Variants in PTAR1 observed in about 807,000 individuals in gnomAD.
PTAR1 encodes the protein protein prenyltransferase alpha subunit repeat containing 1.
A neutral mutation model predicts 45.5 loss-of-function variants in PTAR1; 17 were observed. That is an observed-to-expected ratio of 0.37 (90% CI 0.26 to 0.56). PTAR1 has a LOEUF of 0.56. Ranked by LOEUF, PTAR1 falls within the 20% of genes least tolerant of loss-of-function variation. PTAR1 has a pLI of 0.77. For missense variants in PTAR1, 391 were observed against 476.3 expected (o/e 0.82, Z 1.67); for synonymous variants, 169 against 171.3 (o/e 0.99, Z 0.11).
At chr9:69,728,465 T>C (rs1825386319) in intron 5 of PTAR1, among the ~76,000 whole-genome samples, 1 of 152,212 alleles carries the variant, frequency 6.6e-6, no homozygotes, top group Non-Finnish European at 1.5e-5. Context: ...CAGCCATAAA[T>C]AAGAGTTTCA....
chr9:69,759,584 T>C (rs1020999790), intron 1 of PTAR1, among the ~76,000 whole-genome samples: 1 of 152,134 alleles, frequency 6.6e-6, no homozygotes, highest in Non-Finnish European at 1.5e-5. Flanking sequence ...TGAACTCCTA[T>C]GAAAAGGTGG....
intron 5 of PTAR1, among the ~76,000 whole-genome samples, chr9:69,724,127 G>A (rs1032543176): frequency 3.9e-5 from 6 of 152,230 alleles, no homozygotes; most frequent in African/African-American, 1.4e-4. Flanking sequence ...TGTCATGAGG[G>A]CAGAGACCGT....
chr9:69,758,128 C>T (rs1213658035), intron 1 of PTAR1: 2 of 152,084 alleles, frequency 1.3e-5, no homozygotes, highest in Non-Finnish European at 2.9e-5. Context: ...GCATTAAAGT[C>T]CTTTAAGAGT....
At chr9:69,758,859 TAAA>T (rs34814489) in intron 1 of PTAR1, among the ~76,000 whole-genome samples, 60,453 of 145,292 alleles carry the variant, frequency 0.42, 12,696 homozygotes, top group East Asian at 0.51. Context: ...AATAATAAAC[TAAA>T]AAAAAAAAAA....
chr9:69,732,423 A>G (rs1825582486), intron 4 of PTAR1, 71 bp from the exon 5 acceptor site: 1 of 1,064,508 alleles, frequency 9.4e-7, no homozygotes, highest in Non-Finnish European at 1.4e-6. Flanking sequence ...ACCAGTTTTC[A>G]TTGTTCCTAA....
intron 3 of PTAR1, chr9:69,741,571 C>G (rs891372282): frequency 1.9e-6 from 1 of 532,756 alleles, no homozygotes; most frequent in South Asian, 2.4e-5. Context: ...TATACTGTAA[C>G]TCAACATGAC....
intron 6 of PTAR1, among the ~76,000 whole-genome samples, chr9:69,721,694 T>C (rs187113791): frequency 9.9e-5 from 15 of 152,284 alleles, no homozygotes; most frequent in African/African-American, 3.6e-4. Context: ...ACCACTCTGA[T>C]CAATCAGCAG....
At chr9:69,726,550 C>T (rs1023666252) in intron 5 of PTAR1, among the ~76,000 whole-genome samples, 13 of 151,930 alleles carry the variant, frequency 8.6e-5, no homozygotes, top group African/African-American at 2.9e-4. Context: ...TATAAAGTGT[C>T]CTGCAGAAAG....
rs1363902919 is a variant in PTAR1, at chr9:69,717,476, CT to C, written c.*865del. ...TTCCTTTACTGCAATTACATAAACT[CT>C]TAAGTTAGTTTTTTCTTAAATAACC... On this transcript the variant is annotated 3_prime_UTR_variant, in exon 8 of 8. Transcript: ENST00000340434. The C allele has an allele frequency of 3.2e-4, 48 of 152,146 alleles. No individual in the cohort carries two copies. The highest frequency in any genetic ancestry group is 9.6e-4 in the African/African-American group (40 of 41,506). The allele number at this position is 152,146 out of a possible 1,614,324, so 9.4% of individuals were successfully genotyped here. A position where few individuals can be genotyped will look rare whatever the true frequency, so the allele number is the denominator to read the frequency against.
intron 6 of PTAR1, among the ~76,000 whole-genome samples, chr9:69,719,100 G>A (rs11139962): frequency 0.4 from 61,073 of 151,984 alleles, 12,659 homozygotes; most frequent in East Asian, 0.49. Context: ...GAAATAAGGG[G>A]AATGAACAGT....
At chr9:69,737,961 G>T (rs966277785) in intron 3 of PTAR1, among the ~76,000 whole-genome samples, 1 of 152,030 alleles carries the variant, frequency 6.6e-6, no homozygotes, top group African/African-American at 2.4e-5. Context: ...CAAAATTTAT[G>T]CAACAGTATT....
At chr9:69,752,418 T>C (rs746953815) in intron 1 of PTAR1, among the ~76,000 whole-genome samples, 2 of 151,992 alleles carry the variant, frequency 1.3e-5, no homozygotes, top group African/African-American at 2.4e-5. Context: ...GGCACAGGGA[T>C]TTATCAATAA....
chr9:69,731,034 G>A lies in PTAR1; in HGVS notation c.642+1105C>T, dbSNP rs535414587. ...TAGTGGGGCCAAAATCTGAACCTAG[G>A]TTGATGTGATTCTGAGCCTTGGTTC... On this transcript the variant is annotated intron_variant, in intron 5 of 7. Coordinates refer to ENST00000340434, the MANE Select transcript of PTAR1 (RefSeq NM_001099666.2). Among the ~76,000 whole-genome samples the A allele has an allele frequency of 9.2e-5, 14 of 152,224 alleles. No homozygotes were observed. The South Asian group carries it at 2.9e-3, about 32-fold the overall frequency.
intron 1 of PTAR1, among the ~76,000 whole-genome samples, chr9:69,752,243 A>T: frequency 6.6e-6 from 1 of 152,076 alleles, no homozygotes; most frequent in East Asian, 1.9e-4. Context: ...GATAGACCCA[A>T]AAGAGGGAAA....
intron 2 of PTAR1, among the ~76,000 whole-genome samples, chr9:69,748,516 A>T (rs1468594564): frequency 2.0e-5 from 3 of 152,102 alleles, no homozygotes; most frequent in African/African-American, 7.2e-5. Flanking sequence ...AGGAAGAAAA[A>T]ATCTATCCCA....
rs927914406 is a variant in PTAR1, at chr9:69,759,835, C to T, written c.86+18G>A. Reference sequence around the variant, plus strand: ...CGCTCCCGACGACCCTCGGAGGCGGCGGAGGCGCGCGACTCACATGTGTGG... The same window carrying T: ...CGCTCCCGACGACCCTCGGAGGCGGTGGAGGCGCGCGACTCACATGTGTGG... On this transcript the variant is annotated intron_variant, in intron 1 of 7. Transcript: ENST00000340434. The T allele has an allele frequency of 4.0e-6, 6 of 1,513,250 alleles. No homozygotes were observed. Among genetic ancestry groups the T allele is most frequent in the African/African-American group, 1.5e-5 (1 of 68,808 alleles). The allele number at this position is 1,513,250 out of a possible 1,614,324, so 93.7% of individuals were successfully genotyped here.
intron 5 of PTAR1, among the ~76,000 whole-genome samples, chr9:69,724,247 C>G (rs1825161435): frequency 6.6e-6 from 1 of 152,108 alleles, no homozygotes; most frequent in South Asian, 2.1e-4. Context: ...ACTTACTTAA[C>G]AGTAATAATA....
intron 1 of PTAR1, 44 bp from the exon 2 acceptor site, chr9:69,750,994 A>G: frequency 7.8e-7 from 1 of 1,288,982 alleles, no homozygotes; most frequent in Non-Finnish European, 1.1e-6. Flanking sequence ...TAAGGATACT[A>G]ACCTTTTCAA....
chr9:69,741,912 G>C, intron 2 of PTAR1, 54 bp from the exon 3 acceptor site: 1 of 1,110,042 alleles, frequency 9.0e-7, no homozygotes, highest in Non-Finnish European at 1.3e-6. Context: ...TTTAAAGCTT[G>C]GCTTCTCATT....
Sources: allele counts gnomAD v4.1 joint callset (sites outside exome capture counted in the v4.1 genomes callset), GRCh38; gene constraint gnomAD v4.1.1; transcripts MANE v1.5; gene names NCBI Gene and HGNC (gene_info 2026-07-23, HGNC 2026-07-21).